Variants in DLG2 observed in about 807,000 individuals in gnomAD.
DLG2 encodes discs large MAGUK scaffold protein 2.
In DLG2, 45 loss-of-function variants were observed where a neutral mutation model predicts 132.5. The ratio of observed to expected loss-of-function variants is 0.34; its 90% confidence interval spans 0.27 to 0.44. DLG2 has a LOEUF of 0.44. DLG2 is among the 20% of genes least tolerant of loss of function. The probability of loss-of-function intolerance (pLI) is 1.00; values close to 1 mark genes in which losing one functional copy is unlikely to be tolerated. For synonymous variants in DLG2, 424 were observed against 419.6 expected (o/e 1.01, Z -0.13); for missense variants, 1,045 against 1,196.9 (o/e 0.87, Z 1.87).
At chr11:85,067,301 G>A (rs2154164839) in intron 6 of DLG2, among the ~76,000 whole-genome samples, 1 of 151,796 alleles carries the variant, frequency 6.6e-6, no homozygotes, top group East Asian at 2.0e-4. Context: ...ACCAGCTCCT[G>A]GATTCATTGA....
intron 6 of DLG2, among the ~76,000 whole-genome samples, chr11:84,887,642 C>T (rs552931976): frequency 1.3e-4 from 20 of 152,176 alleles, no homozygotes; most frequent in African/African-American, 4.6e-4. Flanking sequence ...AGTATTTTTC[C>T]GTCAAGCTGT....
chr11:83,938,116 A>G (rs2081905881), intron 14 of DLG2, among the ~76,000 whole-genome samples: 1 of 152,276 alleles, frequency 6.6e-6, no homozygotes, highest in African/African-American at 2.4e-5. Flanking sequence ...ACACATTCAC[A>G]TGACGGTTTA....
At chr11:85,474,723 C>A (rs981813917) in intron 3 of DLG2, among the ~76,000 whole-genome samples, 1 of 151,612 alleles carries the variant, frequency 6.6e-6, no homozygotes. Context: ...ATTAAAACAA[C>A]TAAGGAATTA....
At chr11:83,766,454 T>C (rs1250638288) in intron 18 of DLG2, among the ~76,000 whole-genome samples, 1 of 151,808 alleles carries the variant, frequency 6.6e-6, no homozygotes, top group Non-Finnish European at 1.5e-5. Flanking sequence ...TTTGGTATTC[T>C]TCTTTGTGTT....
chr11:84,316,864 C>T (rs753778739), intron 7 of DLG2: 36 of 1,612,670 alleles, frequency 2.2e-5, no homozygotes, highest in Non-Finnish European at 2.9e-5. Flanking sequence ...AGGTACAATG[C>T]TCCCCACAAG....
chr11:84,456,090 G>A (rs1308498663), intron 7 of DLG2, among the ~76,000 whole-genome samples: 2 of 151,334 alleles, frequency 1.3e-5, no homozygotes, highest in Non-Finnish European at 1.5e-5. Context: ...TGAAAAGCCT[G>A]TTGACAATCT....
At chr11:84,319,399 T>A (rs1198564169) in intron 7 of DLG2, among the ~76,000 whole-genome samples, 1 of 152,218 alleles carries the variant, frequency 6.6e-6, no homozygotes, top group African/African-American at 2.4e-5. Context: ...TAAGTTTGGC[T>A]GTCTCCAATC....
intron 5 of DLG2, among the ~76,000 whole-genome samples, chr11:85,125,108 G>C (rs141629849): frequency 6.6e-6 from 1 of 152,184 alleles, no homozygotes; most frequent in Non-Finnish European, 1.5e-5. Context: ...GGGATTACAG[G>C]CGTGAGCCAC....
At chr11:84,977,580 T>TTAGTTTTTCATAAACAAAA (rs1279826235) in intron 6 of DLG2, among the ~76,000 whole-genome samples, 3 of 152,174 alleles carry the variant, frequency 2.0e-5, no homozygotes, top group Non-Finnish European at 4.4e-5. Context: ...GACCTTTTGT[T>TTAGTTTTTCATAAACAAAA]CTAAGTGATG....
chr11:84,425,524 T>C (rs955907029), intron 7 of DLG2, among the ~76,000 whole-genome samples: 1 of 152,250 alleles, frequency 6.6e-6, no homozygotes, highest in East Asian at 1.9e-4. Flanking sequence ...AAAGCCTTTG[T>C]AAATTCTACA....
chr11:84,462,238 C>G (rs539073516), intron 7 of DLG2, among the ~76,000 whole-genome samples: 2 of 151,024 alleles, frequency 1.3e-5, no homozygotes, highest in African/African-American at 2.4e-5. Flanking sequence ...CAGTCAGGGA[C>G]TTTAACCACA....
chr11:84,453,101 A>G (rs2099056144), intron 7 of DLG2, among the ~76,000 whole-genome samples: 1 of 151,598 alleles, frequency 6.6e-6, no homozygotes, highest in Non-Finnish European at 1.5e-5. Flanking sequence ...AAAAGAAGTT[A>G]GGTTCTGGAC....
rs180671087 is a variant in DLG2 at position 85,389,115 on chromosome 11, A to G, written c.41-103750T>C. On this transcript the variant is annotated intron_variant, in intron 3 of 27. Coordinates refer to ENST00000376104, the MANE Select transcript of DLG2 (RefSeq NM_001142699.3). ...AAGAAATTTTTAAAAAAGATACAGG[A>G]TAGGAATGGAAAAATCTCCAGTGAA... is the stretch of plus-strand genomic sequence containing the variant. Among the ~76,000 whole-genome samples, 29 of 152,246 alleles carry G rather than the reference A, an allele frequency of 1.9e-4. No homozygotes were observed. The East Asian group carries it at 5.4e-3, about 28-fold the overall frequency.
intron 14 of DLG2, among the ~76,000 whole-genome samples, chr11:83,956,996 C>T (rs2449590): frequency 0.35 from 53,145 of 152,092 alleles, 11,744 homozygotes; most frequent in African/African-American, 0.63. Context: ...GGTGTGTCGA[C>T]TTCATTTTAA....
At position 84,883,382 on chromosome 11, in the gene DLG2, C is replaced by T. The variant is rs186749242; in HGVS notation, c.357+228279G>A. ...TATGCGGGGCTTAAAACCTAGATGA[C>T]GGGTTGATAGGTGCAGTACACCACC... On this transcript the variant is annotated intron_variant, in intron 6 of 27. Transcript: ENST00000376104. Among the ~76,000 whole-genome samples, 332 of 151,940 alleles carry T rather than the reference C, an allele frequency of 2.2e-3. 2 individuals are homozygous for T. Among genetic ancestry groups the T allele is most frequent in the African/African-American group, 7.7e-3 (318 of 41,468 alleles).
chr11:83,492,835 G>A (rs1257483085), intron 21 of DLG2, among the ~76,000 whole-genome samples: 1 of 152,070 alleles, frequency 6.6e-6, no homozygotes, highest in Non-Finnish European at 1.5e-5. Context: ...CTTGCCTGGA[G>A]CATGATATTG....
intron 16 of DLG2, among the ~76,000 whole-genome samples, chr11:83,865,042 A>G (rs560339549): frequency 6.0e-4 from 92 of 152,324 alleles, no homozygotes; most frequent in South Asian, 1.4e-3. Context: ...TATTCATCAG[A>G]TAAGACTAAG....
chr11:85,158,217 G>A (rs757557790), intron 4 of DLG2, among the ~76,000 whole-genome samples: 2 of 152,108 alleles, frequency 1.3e-5, no homozygotes, highest in African/African-American at 2.4e-5. Flanking sequence ...AAGGGTGTGC[G>A]ATAATGGTGG....
At chr11:83,933,199 C>T (rs1252974878) in intron 14 of DLG2, among the ~76,000 whole-genome samples, 2 of 152,088 alleles carry the variant, frequency 1.3e-5, no homozygotes, top group Admixed American at 1.3e-4. Context: ...AAGGAAGTGC[C>T]AAGGGGAAAT....
Sources: allele counts gnomAD v4.1 joint callset (sites outside exome capture counted in the v4.1 genomes callset), GRCh38; gene constraint gnomAD v4.1.1; transcripts MANE v1.5; gene names NCBI Gene and HGNC (gene_info 2026-07-23, HGNC 2026-07-21).